ZSWIM5: variants seen among roughly 807,000 people sequenced by gnomAD.
ZSWIM5 encodes zinc finger SWIM-type containing 5.
A neutral mutation model predicts 119.6 loss-of-function variants in ZSWIM5; 55 were observed. The ratio of observed to expected loss-of-function variants is 0.46; its 90% CI spans 0.37 to 0.58. ZSWIM5 has a LOEUF of 0.58. Ranked by LOEUF, ZSWIM5 falls within the 20% of genes least tolerant of loss-of-function variation. ZSWIM5 has a pLI of 0.00. For synonymous variants in ZSWIM5, 537 were observed against 606.9 expected (o/e 0.88, Z 1.69); for missense variants, 1,193 against 1,512.8 (o/e 0.79, Z 3.51).
At chr1:45,020,537 T>A in intron 12 of ZSWIM5, 88 bp downstream of exon 12, 1 of 1,474,780 alleles carries the variant, frequency 6.8e-7, no homozygotes, top group Non-Finnish European at 9.2e-7. Context: ...AGACTTGGCC[T>A]ATGCCCAGTC....
chr1:45,183,476 G>A (rs1282051259), intron 1 of ZSWIM5, among the ~76,000 whole-genome samples: 1 of 151,902 alleles, frequency 6.6e-6, no homozygotes, highest in Non-Finnish European at 1.5e-5. Context: ...TTTTTGAAAG[G>A]ATCAACAAAA....
chr1:45,143,876 TAA>T lies in ZSWIM5; in HGVS notation c.596-55641_596-55640del, dbSNP rs201847838. ...GCAATATACAAATACAAACATAAAT[TAA>T]AAAAAAAAACAATTATAATAACTTC... On this transcript the variant is annotated intron_variant, in intron 1 of 13. Transcript: ENST00000359600. Among the ~76,000 whole-genome samples, 15 of 145,844 alleles carry T rather than the reference TAA, an allele frequency of 1.0e-4. No individual in the cohort carries two copies. The East Asian group carries it at 1.4e-3, about 13-fold the overall frequency.
intron 2 of ZSWIM5, among the ~76,000 whole-genome samples, chr1:45,081,979 A>G (rs1645296127): frequency 6.6e-6 from 1 of 152,090 alleles, no homozygotes; most frequent in Admixed American, 6.5e-5. Context: ...TTTGTTCTGT[A>G]CTAAGAAAAA....
At chr1:45,204,681 CTTGT>C (rs571835380) in intron 1 of ZSWIM5, among the ~76,000 whole-genome samples, 117 of 152,262 alleles carry the variant, frequency 7.7e-4, no homozygotes, top group African/African-American at 2.7e-3. Context: ...TCTTTCTGTG[CTTGT>C]TTAATTCTAA....
At chr1:45,162,228 G>A (rs1377860871) in intron 1 of ZSWIM5, among the ~76,000 whole-genome samples, 2 of 152,180 alleles carry the variant, frequency 1.3e-5, no homozygotes, top group East Asian at 1.9e-4. Context: ...GGTGGCTCAC[G>A]CCTGTAATCC....
intron 1 of ZSWIM5, among the ~76,000 whole-genome samples, chr1:45,160,431 C>T (rs566933593): frequency 6.6e-6 from 1 of 152,252 alleles, no homozygotes; most frequent in South Asian, 2.1e-4. Flanking sequence ...CCCCACCTTC[C>T]TACTCATGTA....
intron 1 of ZSWIM5, among the ~76,000 whole-genome samples, chr1:45,121,928 TTCTC>T (rs1645595881): frequency 6.6e-6 from 1 of 152,184 alleles, no homozygotes; most frequent in African/African-American, 2.4e-5. Flanking sequence ...ATCCTTGTCT[TTCTC>T]TGTCTATCCA....
At chr1:45,095,986 A>C (rs1570092384) in intron 1 of ZSWIM5, among the ~76,000 whole-genome samples, 2 of 152,308 alleles carry the variant, frequency 1.3e-5, no homozygotes, top group Middle Eastern at 6.8e-3. Context: ...ATTGCTTAGA[A>C]ACTCATGGGA....
Position 45,038,976 on chromosome 1 carries a change from CTCAG to C in ZSWIM5, c.1850_1853del (p.Thr617ArgfsTer5). On this transcript the variant is annotated frameshift_variant, in exon 8 of 14. Transcript: ENST00000359600. LOFTEE classifies it high-confidence loss of function. ...AGCCATCATCATTCAGGCGGCAGGCCTCAGTCAAAGTGAGAAACAGGCAGTCGAT... is the reference window on the plus strand; with the variant it reads ...AGCCATCATCATTCAGGCGGCAGGCCTCAAAGTGAGAAACAGGCAGTCGAT... 6.2e-7 allele frequency: 1 copy of C among 1,614,058 alleles called. No individual in the cohort carries two copies. The highest frequency in any genetic ancestry group is 8.5e-7 in the Non-Finnish European group (1 of 1,180,022).
At chr1:45,113,797 TTCAAAC>T (rs1166097707) in intron 1 of ZSWIM5, among the ~76,000 whole-genome samples, 1 of 152,204 alleles carries the variant, frequency 6.6e-6, no homozygotes, top group Non-Finnish European at 1.5e-5. Flanking sequence ...AAGAAGTCAC[TTCAAAC>T]TCAATTTGTC....
At chr1:45,183,097 C>T (rs554889115) in intron 1 of ZSWIM5, among the ~76,000 whole-genome samples, 1 of 152,190 alleles carries the variant, frequency 6.6e-6, no homozygotes, top group Non-Finnish European at 1.5e-5. Flanking sequence ...AAGAAACTCA[C>T]TCAAGTCCGC....
chr1:45,097,538 C>A (rs1365998919), intron 1 of ZSWIM5, among the ~76,000 whole-genome samples: 3 of 152,108 alleles, frequency 2.0e-5, no homozygotes, highest in Non-Finnish European at 4.4e-5. Context: ...AGATGAGGAA[C>A]AAGGTTCAAA....
intron 1 of ZSWIM5, among the ~76,000 whole-genome samples, chr1:45,121,337 C>A (rs1645590805): frequency 1.3e-5 from 2 of 152,160 alleles, no homozygotes; most frequent in South Asian, 4.1e-4. Context: ...ACTCAACAGT[C>A]CTCTCTGTAG....
chr1:45,095,093 T>C (rs1020443031), intron 1 of ZSWIM5, among the ~76,000 whole-genome samples: 1 of 152,050 alleles, frequency 6.6e-6, no homozygotes, highest in African/African-American at 2.4e-5. Flanking sequence ...TGTAATTCCT[T>C]AATATCAAAT....
At position 45,038,604 on chromosome 1, in the gene ZSWIM5, C is replaced by CTTTTTT. The variant is rs55717021; in HGVS notation, c.1894+326_1894+331dup. Among the ~76,000 whole-genome samples the CTTTTTT allele has an allele frequency of 8.7e-3, 422 of 48,498 alleles. 39 individuals carry two copies. The highest frequency in any genetic ancestry group is 0.032 in the African/African-American group (409 of 12,588). 31.8% of individuals were successfully genotyped at this position (48,498 alleles called of 152,430 possible). A position where few individuals can be genotyped will look rare whatever the true frequency, so the allele number is the denominator to read the frequency against. On this transcript the variant is annotated intron_variant, in intron 8 of 13. Coordinates refer to ENST00000359600, the MANE Select transcript of ZSWIM5 (RefSeq NM_020883.2). ...GGAGAAAAGGGCTGACGAGGGCAGT[C>CTTTTTT]TTTTTTTTTTTTTTTTTAATGAAAC...
At position 45,051,120 on chromosome 1, in the gene ZSWIM5, C is replaced by G; in HGVS notation, c.1386G>C (p.Leu462=). 2 of 1,614,156 alleles carry G rather than the reference C, an allele frequency of 1.2e-6. No individual in the cohort carries two copies. Among genetic ancestry groups the G allele is most frequent in the Non-Finnish European group, 1.7e-6 (2 of 1,180,034 alleles). ...GGGGAAGTGCATTGGTGATGTTGGG[C>G]AGCTCATGTCCATAGTTTCCATCCT... ...PLEDGNYGHE[L]PNITNALPQS... is the part of the protein sequence containing the mutation. Residue 462 remains leucine, a synonymous_variant, in exon 5 of 14, where the codon CTG becomes CTC. Coordinates refer to ENST00000359600, the MANE Select transcript of ZSWIM5 (RefSeq NM_020883.2).
At chr1:45,129,603 A>G (rs778501559) in intron 1 of ZSWIM5, among the ~76,000 whole-genome samples, 9 of 152,266 alleles carry the variant, frequency 5.9e-5, no homozygotes, top group African/African-American at 1.7e-4. Context: ...ACTTTCATAT[A>G]TTTACCTGCT....
At chr1:45,027,460 C>T (rs963892223) in intron 11 of ZSWIM5, among the ~76,000 whole-genome samples, 6 of 151,016 alleles carry the variant, frequency 4.0e-5, no homozygotes, top group African/African-American at 1.2e-4. Flanking sequence ...TGCAGTGGCA[C>T]GATCTCAGCT....
At chr1:45,161,820 G>C (rs926299167) in intron 1 of ZSWIM5, among the ~76,000 whole-genome samples, 3 of 151,976 alleles carry the variant, frequency 2.0e-5, no homozygotes, top group Non-Finnish European at 4.4e-5. Flanking sequence ...ACATTTTTAT[G>C]GTAATATGAT....
Sources: gnomAD v4.1 joint callset for allele counts (sites outside exome capture counted in the v4.1 genomes callset) on GRCh38, gnomAD v4.1.1 for gene constraint, MANE v1.5 for transcripts, NCBI Gene and HGNC (gene_info 2026-07-23, HGNC 2026-07-21) for gene names.